Variants in EXOC6 observed in about 807,000 individuals in gnomAD.
EXOC6 encodes the protein SEC15-like 1.
Under a neutral mutation model 112.5 loss-of-function variants are expected in EXOC6, and 60 were observed. The ratio of observed to expected loss-of-function variants is 0.53; its 90% CI spans 0.43 to 0.66. EXOC6 has a LOEUF of 0.66. EXOC6 is among the 30% of genes least tolerant of loss of function. EXOC6 has a pLI of 0.00. For synonymous variants in EXOC6, 295 were observed against 308.0 expected (o/e 0.96, Z 0.44); for missense variants, 855 against 957.1 (o/e 0.89, Z 1.41).
At chr10:92,954,770 T>C (rs1407939439) in intron 16 of EXOC6, 29 bp downstream of exon 16, 1 of 956,388 alleles carries the variant, frequency 1.0e-6, no homozygotes, top group Non-Finnish European at 1.7e-6. Flanking sequence ...TATAGTGAAA[T>C]GTTTCATTGT....
In EXOC6 at chr10:93,016,580, A is replaced by G. The variant is rs543913641; in HGVS notation, c.2169+2313A>G. ...GGGCCCCTGGAAGCTCAAGAGAGAC[A>G]TATTAGGGCTTATTCGATATAAGAA... is the stretch of plus-strand genomic sequence containing the variant. On this transcript the variant is annotated intron_variant, in intron 20 of 21. Transcript: ENST00000260762. Among the ~76,000 whole-genome samples, 162 of 152,344 alleles carry G rather than the reference A, an allele frequency of 1.1e-3. 1 individual carries two copies. The highest frequency in any genetic ancestry group is 1.5e-3 in the Non-Finnish European group (103 of 68,032).
At chr10:93,016,017 T>G (rs1478842577) in intron 20 of EXOC6, among the ~76,000 whole-genome samples, 1 of 152,226 alleles carries the variant, frequency 6.6e-6, no homozygotes, top group African/African-American at 2.4e-5. Flanking sequence ...ATTTGACTAT[T>G]TAAAAAACTG....
rs555287062 is a variant in EXOC6 at position 92,947,778 on chromosome 10, G to A, written c.1311-496G>A. Among the ~76,000 whole-genome samples, 31 of 152,242 alleles carry A rather than the reference G, an allele frequency of 2.0e-4. 1 individual carries two copies. The highest frequency in any genetic ancestry group is 6.0e-4 in the African/African-American group (25 of 41,536). On this transcript the variant is annotated intron_variant, in intron 13 of 21. Coordinates refer to ENST00000260762, the MANE Select transcript of EXOC6 (RefSeq NM_019053.6). Reference sequence around the variant, plus strand: ...AAATTAGCCAGGCGTGGTGGCACGCGCCTGTAGTCCAGCTACTTGGGAGGC... The same window carrying A: ...AAATTAGCCAGGCGTGGTGGCACGCACCTGTAGTCCAGCTACTTGGGAGGC...
chr10:92,848,437 C>A, upstream of EXOC6: 1 of 856,906 alleles, frequency 1.2e-6, no homozygotes, highest in Non-Finnish European at 1.4e-6. Flanking sequence ...CCGAGCGCCC[C>A]GCCCCCGCCC....
intron 1 of EXOC6, among the ~76,000 whole-genome samples, chr10:92,870,867 G>T (rs911259864): frequency 6.6e-6 from 1 of 151,936 alleles, no homozygotes; most frequent in Non-Finnish European, 1.5e-5. Flanking sequence ...GCGCCACCAC[G>T]CCCAGCTAAT....
At position 92,952,183 on chromosome 10, in the gene EXOC6, G is replaced by A. The variant is rs1853455865; in HGVS notation, c.1417-90G>A. The A allele has an allele frequency of 5.4e-6, 4 of 734,044 alleles. 1 individual carries two copies. Among genetic ancestry groups the A allele is most frequent in the Middle Eastern group, 2.6e-4 (1 of 3,912 alleles). The allele number at this position is 734,044 out of a possible 1,614,324, so 45.5% of individuals were successfully genotyped here. A position where few individuals can be genotyped will look rare whatever the true frequency, so the allele number is the denominator to read the frequency against. On this transcript the variant is annotated intron_variant, in intron 14 of 21. Coordinates refer to ENST00000260762, the MANE Select transcript of EXOC6 (RefSeq NM_019053.6). ...TTTGATGCAGGTATTTGCTATTCAA[G>A]TGTGAAATCAATTTAATTTTACATT...
intron 15 of EXOC6, among the ~76,000 whole-genome samples, chr10:92,954,304 A>G (rs1386207045): frequency 6.6e-6 from 1 of 152,126 alleles, no homozygotes; most frequent in East Asian, 1.9e-4. Context: ...AAATAATAAA[A>G]CAACAAAGTT....
intron 19 of EXOC6, among the ~76,000 whole-genome samples, chr10:93,003,539 T>G (rs185597526): frequency 2.6e-5 from 4 of 152,342 alleles, no homozygotes; most frequent in Admixed American, 2.6e-4. Flanking sequence ...TCTGTAATTA[T>G]GAAACAGAAC....
chr10:92,974,608 G>C (rs1223624117), intron 18 of EXOC6, among the ~76,000 whole-genome samples: 1 of 19,668 alleles, frequency 5.1e-5, no homozygotes, highest in African/African-American at 8.5e-4. Flanking sequence ...GTCTCCCTCT[G>C]ATGCCGAGCC....
chr10:92,993,696 G>A (rs1843362272), intron 18 of EXOC6, among the ~76,000 whole-genome samples: 1 of 152,166 alleles, frequency 6.6e-6, no homozygotes. Flanking sequence ...AGGAAACAGA[G>A]TGTCTTTAGC....
intron 16 of EXOC6, 139 bp downstream of exon 16, chr10:92,954,880 A>C (rs1047152111): frequency 1.9e-6 from 1 of 513,712 alleles, no homozygotes. Flanking sequence ...CAAAATAAAA[A>C]CACCAGTGTA....
chr10:93,009,409 T>C (rs948652029), intron 19 of EXOC6, among the ~76,000 whole-genome samples: 2 of 152,172 alleles, frequency 1.3e-5, no homozygotes, highest in Non-Finnish European at 2.9e-5. Flanking sequence ...GAAACTTTCA[T>C]TGAATACTCA....
chr10:93,050,890 A>G (rs1307643982), intron 20 of EXOC6, among the ~76,000 whole-genome samples: 3 of 152,076 alleles, frequency 2.0e-5, no homozygotes, highest in Non-Finnish European at 2.9e-5. Flanking sequence ...AACAACAGAA[A>G]ACACAAAAAA....
Position 92,997,513 on chromosome 10 carries a change from C to T in EXOC6, c.1993C>T (p.His665Tyr). The T allele has an allele frequency of 1.2e-6, 2 of 1,612,178 alleles. No individual in the cohort carries two copies. The highest frequency in any genetic ancestry group is 1.7e-6 in the Non-Finnish European group (2 of 1,178,806). The change falls in exon 19 of 22, where the codon CAT (histidine) becomes TAT (tyrosine). Residue 665 changes from histidine (H) to tyrosine (Y), a missense_variant. Around this residue, in one of 2 missense-constraint regions of EXOC6, gnomAD observed 450 missense variants for 563.5 expected, o/e 0.80. Transcript: ENST00000260762. ...AQTACMSACQ[H>Y]LSTSLMQMLL... ...GACAGCTTGCATGTCAGCCTGCCAGCATCTGTCAACATCCTTAATGCAGAT... is the reference window on the plus strand; with the variant it reads ...GACAGCTTGCATGTCAGCCTGCCAGTATCTGTCAACATCCTTAATGCAGAT...
At chr10:92,977,430 A>G (rs1842668686) in intron 18 of EXOC6, among the ~76,000 whole-genome samples, 1 of 152,176 alleles carries the variant, frequency 6.6e-6, no homozygotes, top group African/African-American at 2.4e-5. Context: ...GAATTTTAGA[A>G]GCTTACCCAG....
At chr10:92,962,693 A>G (rs1854077683) in intron 17 of EXOC6, among the ~76,000 whole-genome samples, 2 of 152,158 alleles carry the variant, frequency 1.3e-5, no homozygotes, top group African/African-American at 4.8e-5. Context: ...GTCAGGCCCT[A>G]AAGTGCATTT....
intron 1 of EXOC6, among the ~76,000 whole-genome samples, chr10:92,877,702 A>C (rs1244100813): frequency 6.6e-6 from 1 of 152,232 alleles, no homozygotes; most frequent in Non-Finnish European, 1.5e-5. Flanking sequence ...AGTTGGGATC[A>C]GCCTTATATC....
intron 20 of EXOC6, among the ~76,000 whole-genome samples, chr10:93,032,008 A>G (rs1191585837): frequency 6.6e-6 from 1 of 152,018 alleles, no homozygotes. Context: ...ACATTTGACC[A>G]CTCTTATGTT....
intron 18 of EXOC6, among the ~76,000 whole-genome samples, chr10:92,981,323 C>T (rs1267092470): frequency 6.6e-6 from 1 of 152,166 alleles, no homozygotes; most frequent in African/African-American, 2.4e-5. Context: ...GAACTTACTG[C>T]CTAACCACCC....
Sources: gnomAD v4.1 joint callset for allele counts (sites outside exome capture counted in the v4.1 genomes callset) on GRCh38, gnomAD v4.1.1 for gene constraint, gnomAD v4.1.1 regional missense constraint, MANE v1.5 for transcripts, NCBI Gene and HGNC (gene_info 2026-07-23, HGNC 2026-07-21) for gene names.